Variants in MANSC4 observed in about 807,000 individuals in gnomAD.
The protein encoded by MANSC4 is MANSC domain-containing protein 4.
In MANSC4, 11 loss-of-function variants were observed where a neutral mutation model predicts 11.4. That is an observed-to-expected ratio of 0.97 (90% CI 0.61 to 1.60). MANSC4 has a LOEUF of 1.60. MANSC4 is among the 40% of genes most tolerant of loss of function. The pLI, the probability that MANSC4 is intolerant of heterozygous loss-of-function variation, is 0.00. For missense variants in MANSC4, 354 were observed against 404.6 expected (o/e 0.88, Z 1.07); for synonymous variants, 123 against 147.1 (o/e 0.84, Z 1.19).
rs1032425138 is a variant in MANSC4, at chr12:27,771,305, T to C, written c.-29A>G. ...TCCTGTATGAAGGAAGACTCGAAGA[T>C]AAGTCTGATTTCCAGACAGAAGCTG... On this transcript the variant is annotated 5_prime_UTR_variant, in exon 2 of 4. Coordinates refer to ENST00000381273, the MANE Select transcript of MANSC4 (RefSeq NM_001146221.5). 8 of 1,533,436 alleles carry C rather than the reference T, an allele frequency of 5.2e-6. No homozygotes were observed. The highest frequency in any genetic ancestry group is 7.1e-6 in the Non-Finnish European group (8 of 1,134,598). 95.0% of individuals were successfully genotyped at this position (1,533,436 alleles called of 1,614,324 possible).
In MANSC4 at chr12:27,780,178, G is replaced by C; in HGVS notation, c.-307+32C>G. 1 of 416,362 alleles carries C rather than the reference G, an allele frequency of 2.4e-6. No homozygotes were observed. Among genetic ancestry groups the C allele is most frequent in the Non-Finnish European group, 3.7e-6 (1 of 273,400 alleles). 25.8% of individuals were successfully genotyped at this position (416,362 alleles called of 1,614,324 possible). On this transcript the variant is annotated intron_variant, in intron 1 of 3. Transcript: ENST00000381273. This position sits in a 1 kb window ranked among gnomAD's most constrained non-coding sequence, Gnocchi z 8.8. ...GCGGGCCCCGGGAGGAGGGGCCGCC[G>C]GAGAGGCCGGGCGAGCGCGGGCGGC...
intron 2 of MANSC4, among the ~76,000 whole-genome samples, chr12:27,769,236 G>C (rs1315955322): frequency 1.3e-5 from 2 of 152,226 alleles, no homozygotes; most frequent in African/African-American, 4.8e-5. Context: ...TCAAACTTAA[G>C]ACTTTTAAAT....
chr12:27,766,817 G>A lies in MANSC4; in HGVS notation c.230-18C>T, dbSNP rs764060086. 15 of 1,549,408 alleles carry A rather than the reference G, an allele frequency of 9.7e-6. No homozygotes were observed. Among genetic ancestry groups the A allele is most frequent in the South Asian group, 1.2e-5 (1 of 83,346 alleles). The stretch of plus-strand genomic sequence containing the variant: ...ACAGGAAACTGAAAGGGAAACAAGC[G>A]AAGTACATCTGCAGATGGTCTCAAT... On this transcript the variant is annotated intron_variant, in intron 2 of 3. Coordinates refer to ENST00000381273, the MANE Select transcript of MANSC4 (RefSeq NM_001146221.5).
At chr12:27,770,905 C>G in intron 2 of MANSC4, 143 bp downstream of exon 2, 2 of 606,082 alleles carry the variant, frequency 3.3e-6, no homozygotes, top group Non-Finnish European at 5.7e-6. Context: ...GCTCTCTTAC[C>G]TCTCCCTCTC....
intron 2 of MANSC4, 75 bp downstream of exon 2, chr12:27,770,973 C>A: frequency 8.7e-7 from 1 of 1,145,734 alleles, no homozygotes; most frequent in Non-Finnish European, 1.2e-6. Flanking sequence ...TGGCCTCTGC[C>A]TAAGGCTCCT....
intron 1 of MANSC4, among the ~76,000 whole-genome samples, chr12:27,774,131 C>G (rs958050732): frequency 2.0e-5 from 3 of 151,650 alleles, no homozygotes; most frequent in Non-Finnish European, 4.4e-5. Flanking sequence ...CTGGGAGACA[C>G]AGCAAGGCTC....
rs776160243 is a variant in MANSC4, at chr12:27,771,001, T to C, written c.229+47A>G. ...AGGCTCCTCACTTAGGGCTTCATCC[T>C]TGGAAGTTTCTTCTTATTTTTGCCC... is the stretch of plus-strand genomic sequence containing the variant. On this transcript the variant is annotated intron_variant, in intron 2 of 3. Transcript: ENST00000381273. 39 of 1,441,238 alleles carry C rather than the reference T, an allele frequency of 2.7e-5. No individual in the cohort carries two copies. The African/African-American group carries it at 4.7e-4, about 17-fold the overall frequency. The allele number at this position is 1,441,238 out of a possible 1,614,324, so 89.3% of individuals were successfully genotyped here. A position where few individuals can be genotyped will look rare whatever the true frequency, so the allele number is the denominator to read the frequency against.
intron 2 of MANSC4, among the ~76,000 whole-genome samples, chr12:27,769,105 C>G (rs997712851): frequency 5.9e-5 from 9 of 152,296 alleles, no homozygotes; most frequent in African/African-American, 1.9e-4. Context: ...TTGCCGCACT[C>G]TATTTTTCCA....
At chr12:27,771,002 T>G (rs1204041061) in intron 2 of MANSC4, 46 bp downstream of exon 2, 14 of 1,442,568 alleles carry the variant, frequency 9.7e-6, no homozygotes, top group African/African-American at 2.9e-5. Flanking sequence ...GCTTCATCCT[T>G]GGAAGTTTCT....
intron 3 of MANSC4, among the ~76,000 whole-genome samples, chr12:27,765,879 A>G (rs2062070287): frequency 6.6e-6 from 1 of 152,178 alleles, no homozygotes; most frequent in Admixed American, 6.5e-5. Flanking sequence ...GGCACGAAAC[A>G]CTTATATTTC....
chr12:27,772,414 A>G (rs2062104487), intron 1 of MANSC4, among the ~76,000 whole-genome samples: 1 of 152,216 alleles, frequency 6.6e-6, no homozygotes, highest in Admixed American at 6.5e-5. Flanking sequence ...TTGACACAAA[A>G]ATCATCAGCA....
At chr12:27,777,013 A>T (rs2062121732) in intron 1 of MANSC4, among the ~76,000 whole-genome samples, 1 of 152,178 alleles carries the variant, frequency 6.6e-6, no homozygotes, top group South Asian at 2.1e-4. Flanking sequence ...CTTACTGCAT[A>T]ATTTATTAAA....
At chr12:27,773,886 G>A (rs1206825338) in intron 1 of MANSC4, among the ~76,000 whole-genome samples, 2 of 152,158 alleles carry the variant, frequency 1.3e-5, no homozygotes, top group Non-Finnish European at 1.5e-5. Context: ...GGTGGCTCAC[G>A]CCTGTAATCC....
At chr12:27,766,944 A>T (rs2062074921) in intron 2 of MANSC4, 145 bp from the exon 3 acceptor site, 1 of 835,430 alleles carries the variant, frequency 1.2e-6, no homozygotes, top group East Asian at 2.7e-5. Flanking sequence ...CAGAATGTTT[A>T]TAAACTATTG....
rs572196216 is a variant in MANSC4, at chr12:27,763,386, C to T, written c.375G>A (p.Pro125=). The change falls in exon 4 of 4, where the codon CCG becomes CCA. Residue 125 remains proline, a synonymous_variant. Transcript: ENST00000381273. ...GAGATTGTTCAAAAACCAGCAAATC[C>T]GGATCTATACCTGAAAAATAAATAA... The part of the protein sequence containing the change: ...ILYNITDGID[P]DLLVFEQSPT... 1.2e-4 allele frequency: 191 copies of T among 1,544,990 alleles called. No individual in the cohort carries two copies. In the African/African-American group the frequency reaches 1.8e-3, roughly 14 times the overall value.
chr12:27,774,170 A>C (rs11049138), intron 1 of MANSC4, among the ~76,000 whole-genome samples: 25,318 of 151,644 alleles, frequency 0.17, 2,568 homozygotes, highest in Non-Finnish European at 0.23. Flanking sequence ...AAACAAAACA[A>C]AAAAAAAACC....
At chr12:27,772,417 C>CAAAAAA (rs2062104592) in intron 1 of MANSC4, among the ~76,000 whole-genome samples, 1 of 152,196 alleles carries the variant, frequency 6.6e-6, no homozygotes, top group Non-Finnish European at 1.5e-5. Context: ...ACACAAAAAT[C>CAAAAAA]ATCAGCATTC....
At chr12:27,777,962 A>G (rs1382540686) in intron 1 of MANSC4, among the ~76,000 whole-genome samples, 1 of 151,974 alleles carries the variant, frequency 6.6e-6, no homozygotes, top group Non-Finnish European at 1.5e-5. Flanking sequence ...ATGGAGGCTC[A>G]TGCCTGTAAT....
chr12:27,768,168 G>A (rs61915419), intron 2 of MANSC4, among the ~76,000 whole-genome samples: 24,516 of 151,988 alleles, frequency 0.16, 2,527 homozygotes, highest in Non-Finnish European at 0.23. Flanking sequence ...GGAGGCCAAG[G>A]TGGCGGATCA....
Sources: allele counts gnomAD v4.1 joint callset (sites outside exome capture counted in the v4.1 genomes callset), GRCh38; gene constraint gnomAD v4.1.1; non-coding constraint Gnocchi (gnomAD v3.1); transcripts MANE v1.5; gene names NCBI Gene and HGNC (gene_info 2026-07-23, HGNC 2026-07-21).